The following PCNX4 variants were observed in gnomAD, a reference collection of about 807,000 sequenced individuals.
PCNX4 encodes the protein pecanex-like protein 4.
A neutral mutation model predicts 107.2 loss-of-function variants in PCNX4; 103 were observed. The ratio of observed to expected loss-of-function variants is 0.96; its 90% CI spans 0.82 to 1.13. The LOEUF is 1.13. Among genes scored for constraint, PCNX4 ranks in the 50% most tolerant of loss-of-function variants. The pLI is 0.00. For synonymous variants in PCNX4, 541 were observed against 481.7 expected (o/e 1.12, Z -1.61); for missense variants, 1,528 against 1,379.4 (o/e 1.11, Z -1.71).
chr14:60,094,501 C>G (rs1391369009), intron 1 of PCNX4, among the ~76,000 whole-genome samples: 3 of 152,172 alleles, frequency 2.0e-5, no homozygotes, highest in Non-Finnish European at 2.9e-5. Flanking sequence ...GACCACAACA[C>G]ACAAGAACAT....
chr14:60,111,578 C>T (rs990810164), intron 2 of PCNX4, among the ~76,000 whole-genome samples: 1 of 152,020 alleles, frequency 6.6e-6, no homozygotes, highest in African/African-American at 2.4e-5. Context: ...TTACTGTCTC[C>T]GTATCCCATT....
chr14:60,134,166 C>G lies in PCNX4; in HGVS notation c.3464C>G (p.Pro1155Arg). The G allele has an allele frequency of 6.2e-7, 1 of 1,613,744 alleles. No individual in the cohort carries two copies. Among genetic ancestry groups the G allele is most frequent in the African/African-American group, 1.3e-5 (1 of 75,036 alleles). ...LRNLTVQAAE[P>R]PLGYPIYSSK... Reference sequence around the variant, plus strand: ...AATCTTACGGTACAAGCAGCAGAACCTCCCCTGGGATATCCGATTTATTCT... The same window carrying G: ...AATCTTACGGTACAAGCAGCAGAACGTCCCCTGGGATATCCGATTTATTCT... The change falls in exon 11 of 11, where the codon CCT (proline) becomes CGT (arginine). Residue 1155 changes from proline (P) to arginine (R), a missense_variant. Physicochemically the swap from Pro to Arg is moderately radical, Grantham distance 103. Transcript: ENST00000406854.
chr14:60,125,064 A>G lies in PCNX4; in HGVS notation c.2893A>G (p.Lys965Glu), dbSNP rs141332965. The change falls in exon 9 of 11, where the codon AAA (lysine) becomes GAA (glutamate). Residue 965 changes from lysine (K) to glutamate (E), a missense_variant. By Grantham distance (56) the Lys-to-Glu change is moderately conservative. Transcript: ENST00000406854. ...TGTACTGGAAGAAATTGCCAAGGACAAAGTTTTAAAAGACTTTTATGTTCA... is the reference window on the plus strand; with the variant it reads ...TGTACTGGAAGAAATTGCCAAGGACGAAGTTTTAAAAGACTTTTATGTTCA... ...SNVLEEIAKDKVLKDFYVHTV... is the reference protein window; with the variant it reads ...SNVLEEIAKDEVLKDFYVHTV... 1.1e-5 allele frequency: 17 copies of G among 1,613,576 alleles called. No homozygotes were observed. In the African/African-American group the frequency reaches 1.7e-4, roughly 16 times the overall value.
intron 10 of PCNX4, among the ~76,000 whole-genome samples, chr14:60,128,288 A>G (rs1896092071): frequency 6.6e-6 from 1 of 152,206 alleles, no homozygotes; most frequent in South Asian, 2.1e-4. Flanking sequence ...AGGCAAATAC[A>G]TCATAGTAAA....
rs974469079 is a variant in PCNX4, at chr14:60,107,577, A to AT, written c.-53-3dup. 2.4e-5 allele frequency: 34 copies of AT among 1,410,334 alleles called. No homozygotes were observed. Among genetic ancestry groups the AT allele is most frequent in the Non-Finnish European group, 3.2e-5 (33 of 1,042,062 alleles). The allele number at this position is 1,410,334 out of a possible 1,614,324, so 87.4% of individuals were successfully genotyped here. On this transcript the variant is annotated splice_polypyrimidine_tract_variant and intron_variant, in intron 1 of 10. Transcript: ENST00000406854. ...CAAACAGTGACTTTTTTTAATTTTT[A>AT]TTTTTTAGAAACTGCTGTGTTACAG...
chr14:60,101,071 C>T (rs542615881), intron 1 of PCNX4, among the ~76,000 whole-genome samples: 1 of 152,308 alleles, frequency 6.6e-6, no homozygotes, highest in Non-Finnish European at 1.5e-5. Context: ...TTATCTTAAC[C>T]TGAACATTTC....
chr14:60,111,847 A>G (rs76918453), intron 2 of PCNX4, among the ~76,000 whole-genome samples: 7,127 of 152,186 alleles, frequency 0.047, 488 homozygotes, highest in African/African-American at 0.16. Flanking sequence ...CCCCACATCT[A>G]TTTTTAAAGA....
chr14:60,132,890 A>G (rs374749024), intron 10 of PCNX4, among the ~76,000 whole-genome samples: 1 of 152,218 alleles, frequency 6.6e-6, no homozygotes, highest in Non-Finnish European at 1.5e-5. Flanking sequence ...AATCAAAACT[A>G]CAATAAAATA....
chr14:60,125,317 G>C (rs543338670), intron 9 of PCNX4, 66 bp downstream of exon 9: 2 of 1,354,954 alleles, frequency 1.5e-6, no homozygotes, highest in Middle Eastern at 1.9e-4. Flanking sequence ...TCTAAATCAC[G>C]TACAAGAAGA....
chr14:60,127,554 T>A (rs1411964840), intron 10 of PCNX4, among the ~76,000 whole-genome samples: 2 of 152,176 alleles, frequency 1.3e-5, no homozygotes, highest in Non-Finnish European at 2.9e-5. Context: ...GGGCAGGGTA[T>A]GGTAGGGAGC....
chr14:60,113,825 T>C (rs1895785685), intron 2 of PCNX4, among the ~76,000 whole-genome samples: 1 of 152,256 alleles, frequency 6.6e-6, no homozygotes, highest in Admixed American at 6.5e-5. Flanking sequence ...CAGTGTTTAC[T>C]AGCATTATTT....
rs1032792899 is a variant in PCNX4, at chr14:60,135,579, A to T, written c.*1358A>T. 1 of 151,864 alleles carries T rather than the reference A, an allele frequency of 6.6e-6. No homozygotes were observed. Among genetic ancestry groups the T allele is most frequent in the Non-Finnish European group, 1.5e-5 (1 of 67,962 alleles). The allele number at this position is 151,864 out of a possible 1,614,324, so 9.4% of individuals were successfully genotyped here. A position where few individuals can be genotyped will look rare whatever the true frequency, so the allele number is the denominator to read the frequency against. On this transcript the variant is annotated 3_prime_UTR_variant, in exon 11 of 11. Coordinates refer to ENST00000406854, the MANE Select transcript of PCNX4 (RefSeq NM_001330177.2). ...AGCTTTTTTTTTTTTCCGAGATGGAATCTCGCTCTGTCACCCAGGCTGGGG... is the reference window on the plus strand; with the variant it reads ...AGCTTTTTTTTTTTTCCGAGATGGATTCTCGCTCTGTCACCCAGGCTGGGG...
In PCNX4 at chr14:60,140,224, T is replaced by C. The variant is rs1896291103; in HGVS notation, c.*6003T>C. 6.6e-6 allele frequency: 1 copy of C among 152,224 alleles called. No individual in the cohort carries two copies. Among genetic ancestry groups the C allele is most frequent in the South Asian group, 2.1e-4 (1 of 4,836 alleles). The allele number at this position is 152,224 out of a possible 1,614,324, so 9.4% of individuals were successfully genotyped here. ...CATCTGACAAAATATGTGCACAACT[T>C]CATGCCAATTAGTTGGAAATTTTAG... On this transcript the variant is annotated 3_prime_UTR_variant, in exon 11 of 11. Coordinates refer to ENST00000406854, the MANE Select transcript of PCNX4 (RefSeq NM_001330177.2). This position sits in a 1 kb window ranked among gnomAD's most constrained non-coding sequence, Gnocchi z 4.2.
intron 1 of PCNX4, among the ~76,000 whole-genome samples, chr14:60,095,091 C>T (rs567518822): frequency 6.6e-6 from 1 of 152,032 alleles, no homozygotes; most frequent in South Asian, 2.1e-4. Flanking sequence ...AAGTTAAGGA[C>T]GTGCCCGGGA....
At chr14:60,116,238 C>T (rs1212415049) in intron 6 of PCNX4, among the ~76,000 whole-genome samples, 178 bp downstream of exon 6, 2 of 152,210 alleles carry the variant, frequency 1.3e-5, no homozygotes, top group Non-Finnish European at 2.9e-5. Context: ...ATCTCGCCTA[C>T]TACCCACTGT....
intron 1 of PCNX4, among the ~76,000 whole-genome samples, chr14:60,096,147 A>ATCTGGGTTT (rs56166310): frequency 0.75 from 113,596 of 151,750 alleles, 44,626 homozygotes; most frequent in Non-Finnish European, 0.87. Flanking sequence ...TGTGACAGAT[A>ATCTGGGTTT]TCTGGGTTTT....
chr14:60,119,906 G>C (rs1595172871), intron 7 of PCNX4, among the ~76,000 whole-genome samples: 1 of 152,238 alleles, frequency 6.6e-6, no homozygotes, highest in East Asian at 1.9e-4. Context: ...CTTTCTGGAA[G>C]GAAATGTAAA....
chr14:60,094,761 G>GGCCCCC (rs33935507), intron 1 of PCNX4, among the ~76,000 whole-genome samples: 1 of 107,032 alleles, frequency 9.3e-6, no homozygotes. Context: ...TTGCTGTAGA[G>GGCCCCC]CCCCCCCCCA....
At chr14:60,119,251 T>G (rs1895909567) in intron 7 of PCNX4, among the ~76,000 whole-genome samples, 1 of 152,110 alleles carries the variant, frequency 6.6e-6, no homozygotes, top group Non-Finnish European at 1.5e-5. Context: ...AGATAATAGG[T>G]TTTTGATGAC....
Sources: allele counts gnomAD v4.1 joint callset (sites outside exome capture counted in the v4.1 genomes callset), GRCh38; gene constraint gnomAD v4.1.1; non-coding constraint Gnocchi (gnomAD v3.1); transcripts MANE v1.5; gene names NCBI Gene and HGNC (gene_info 2026-07-23, HGNC 2026-07-21).